CSMD3: variants seen among roughly 807,000 people sequenced by gnomAD.
The protein encoded by CSMD3 is CUB and Sushi multiple domains 3.
CSMD3 carries 177 observed loss-of-function variants against 435.2 expected under a neutral mutation model. The ratio of observed to expected loss-of-function variants is 0.41; its 90% CI spans 0.36 to 0.46. CSMD3 has a LOEUF of 0.46. Among genes scored for constraint, CSMD3 ranks in the 20% least tolerant of loss-of-function variants. The pLI, the probability that CSMD3 is intolerant of heterozygous loss-of-function variation, is 0.34. For missense variants in CSMD3, 4,265 were observed against 4,504.6 expected (o/e 0.95, Z 1.52); for synonymous variants, 1,656 against 1,520.5 (o/e 1.09, Z -2.07).
intron 12 of CSMD3, among the ~76,000 whole-genome samples, chr8:112,802,389 A>G (rs1271409826): frequency 6.6e-6 from 1 of 152,026 alleles, no homozygotes; most frequent in Admixed American, 6.6e-5. Flanking sequence ...CTAGGTACTT[A>G]GTACTTAGCT....
At chr8:113,265,449 G>T (rs1444106144) in intron 3 of CSMD3, among the ~76,000 whole-genome samples, 3 of 151,514 alleles carry the variant, frequency 2.0e-5, no homozygotes, top group Non-Finnish European at 3.0e-5. Context: ...GGGATAGGTA[G>T]TTTGTACAGG....
At chr8:112,235,702 C>T (rs1813510150) in intron 67 of CSMD3, among the ~76,000 whole-genome samples, 1 of 152,030 alleles carries the variant, frequency 6.6e-6, no homozygotes, top group African/African-American at 2.4e-5. Context: ...TGTAATAGGG[C>T]ACCATAATAT....
chr8:113,313,006 T>G lies in CSMD3; in HGVS notation c.401+1565A>C, dbSNP rs189119739. On this transcript the variant is annotated intron_variant, in intron 2 of 70. Transcript: ENST00000297405. ...TAACCTTGTTTTTGCACAACAAAGTTTGTGAAATAACTCAGGCATTTTTAA... is the reference window on the plus strand; with the variant it reads ...TAACCTTGTTTTTGCACAACAAAGTGTGTGAAATAACTCAGGCATTTTTAA... 1.6e-4 allele frequency: 24 copies of G among 152,300 alleles called. No individual in the cohort carries two copies. In the East Asian group the frequency reaches 3.5e-3, roughly 22 times the overall value. 9.4% of individuals were successfully genotyped at this position (152,300 alleles called of 1,614,324 possible).
chr8:112,533,029 T>G (rs1024696605), intron 27 of CSMD3, among the ~76,000 whole-genome samples: 2 of 152,064 alleles, frequency 1.3e-5, no homozygotes, highest in African/African-American at 4.8e-5. Context: ...GCCACTAACC[T>G]TAAGTAGCCA....
chr8:113,043,551 C>G (rs1204527600), intron 5 of CSMD3, among the ~76,000 whole-genome samples: 1 of 151,966 alleles, frequency 6.6e-6, no homozygotes, highest in Admixed American at 6.6e-5. Flanking sequence ...ATTATATTCC[C>G]CCTTCCCTAT....
At chr8:112,809,782 T>C (rs2079176593) in intron 12 of CSMD3, among the ~76,000 whole-genome samples, 2 of 151,926 alleles carry the variant, frequency 1.3e-5, no homozygotes, top group Admixed American at 6.6e-5. Flanking sequence ...TCTTAAAGCA[T>C]TTAAGTTAAA....
intron 32 of CSMD3, among the ~76,000 whole-genome samples, chr8:112,426,741 A>T (rs1000776173): frequency 3.9e-5 from 6 of 152,280 alleles, no homozygotes; most frequent in Admixed American, 2.0e-4. Flanking sequence ...ATTCTGACTT[A>T]CATATATTTT....
intron 7 of CSMD3, among the ~76,000 whole-genome samples, chr8:112,967,927 TAAAGAAA>T (rs534029967): frequency 6.6e-6 from 1 of 151,002 alleles, no homozygotes; most frequent in Non-Finnish European, 1.5e-5. Flanking sequence ...AAAGAAAGAA[TAAAGAAA>T]AATGAGTGAA....
At chr8:113,077,699 G>T (rs1236952713) in intron 5 of CSMD3, among the ~76,000 whole-genome samples, 4 of 152,022 alleles carry the variant, frequency 2.6e-5, no homozygotes, top group Admixed American at 6.6e-5. Flanking sequence ...CAAGACTCTT[G>T]TCTCAAAACA....
chr8:112,250,944 A>G (rs556265920), intron 63 of CSMD3, among the ~76,000 whole-genome samples: 34 of 151,782 alleles, frequency 2.2e-4, no homozygotes, highest in Non-Finnish European at 2.2e-4. Flanking sequence ...TTTAAATGTT[A>G]TATCTTAGTT....
At chr8:113,287,797 A>C (rs1346014799) in intron 2 of CSMD3, among the ~76,000 whole-genome samples, 4 of 151,982 alleles carry the variant, frequency 2.6e-5, no homozygotes, top group Non-Finnish European at 5.9e-5. Flanking sequence ...GATTTTGCAA[A>C]CAACTGAGCT....
chr8:112,816,712 A>G (rs1416616258), intron 12 of CSMD3, among the ~76,000 whole-genome samples: 1 of 152,072 alleles, frequency 6.6e-6, no homozygotes, highest in East Asian at 1.9e-4. Context: ...AGGGCTCAAC[A>G]AACTAAGAGC....
chr8:112,892,294 T>C (rs1020579546), intron 10 of CSMD3, among the ~76,000 whole-genome samples: 2 of 151,512 alleles, frequency 1.3e-5, no homozygotes, highest in Non-Finnish European at 1.5e-5. Flanking sequence ...TTTTCAAAGA[T>C]TGTATATTCA....
intron 5 of CSMD3, among the ~76,000 whole-genome samples, chr8:113,046,388 TA>T (rs561261451): frequency 6.7e-6 from 1 of 149,190 alleles, no homozygotes; most frequent in East Asian, 1.9e-4. Flanking sequence ...CAAAACAAAA[TA>T]AAAAAACGCC....
intron 45 of CSMD3, among the ~76,000 whole-genome samples, chr8:112,322,794 T>A (rs1036431152): frequency 1.3e-5 from 2 of 152,130 alleles, no homozygotes; most frequent in Non-Finnish European, 2.9e-5. Context: ...ATTTTCCATT[T>A]ATTTGCATGC....
chr8:112,320,768 G>A (rs1822923164), intron 45 of CSMD3, among the ~76,000 whole-genome samples: 1 of 151,854 alleles, frequency 6.6e-6, no homozygotes, highest in East Asian at 1.9e-4. Context: ...AACTGTTAAA[G>A]AGAGTTAAAA....
At chr8:112,771,834 G>A (rs1266076966) in intron 13 of CSMD3, among the ~76,000 whole-genome samples, 1 of 151,518 alleles carries the variant, frequency 6.6e-6, no homozygotes, top group Non-Finnish European at 1.5e-5. Context: ...AATAGGAATA[G>A]AAAAAAGTCA....
chr8:112,373,229 A>G (rs192635897), intron 38 of CSMD3, among the ~76,000 whole-genome samples: 2 of 151,882 alleles, frequency 1.3e-5, no homozygotes, highest in African/African-American at 4.8e-5. Context: ...GAAAACCTTA[A>G]AGTGTTCTGC....
intron 2 of CSMD3, among the ~76,000 whole-genome samples, chr8:113,284,264 C>T (rs958365428): frequency 6.6e-6 from 1 of 152,100 alleles, no homozygotes; most frequent in Non-Finnish European, 1.5e-5. Flanking sequence ...GACTCAGAGT[C>T]TAAAACCAGT....
Sources: gnomAD v4.1 joint callset for allele counts (sites outside exome capture counted in the v4.1 genomes callset) on GRCh38, gnomAD v4.1.1 for gene constraint, MANE v1.5 for transcripts, NCBI Gene and HGNC (gene_info 2026-07-23, HGNC 2026-07-21) for gene names.